The following COL4A2 variants were observed in gnomAD, a reference collection of about 807,000 sequenced individuals.
The protein encoded by COL4A2 is collagen type IV alpha 2 chain.
Under a neutral mutation model 200.2 loss-of-function variants are expected in COL4A2, and 99 were observed. The observed-to-expected ratio is 0.49, with a 90% CI of 0.42 to 0.58. COL4A2 has a LOEUF of 0.58. COL4A2 is among the 20% of genes least tolerant of loss of function. The probability of loss-of-function intolerance (pLI) is 0.00; values close to 1 mark genes in which losing one functional copy is unlikely to be tolerated. For missense variants in COL4A2, 1,950 were observed against 2,314.1 expected, an observed-to-expected ratio of 0.84 and a Z score of 3.23; for synonymous variants, 897 against 900.6, an observed-to-expected ratio of 1.00 and a Z score of 0.07.
intron 4 of COL4A2, among the ~76,000 whole-genome samples, chr13:110,423,308 A>G (rs1174607717): frequency 1.3e-5 from 2 of 152,112 alleles, no homozygotes; most frequent in African/African-American, 4.8e-5. Flanking sequence ...ATTTATTTTT[A>G]ATTTTTTTAA....
At chr13:110,492,865 C>G (rs1047557540) in intron 38 of COL4A2, among the ~76,000 whole-genome samples, 4 of 152,148 alleles carry the variant, frequency 2.6e-5, no homozygotes, top group African/African-American at 4.8e-5. Context: ...GTTTACATGT[C>G]GTGTAAGTTG....
chr13:110,340,885 C>G (rs1390851443), intron 3 of COL4A2: 6 of 152,274 alleles, frequency 3.9e-5, no homozygotes, highest in African/African-American at 1.2e-4. Flanking sequence ...GGACTCTGTT[C>G]CTTTCTGACT....
chr13:110,375,191 A>G (rs935315452), intron 4 of COL4A2, among the ~76,000 whole-genome samples: 1 of 152,198 alleles, frequency 6.6e-6, no homozygotes, highest in African/African-American at 2.4e-5. Context: ...ATCACATTCC[A>G]GCCCTTACAC....
intron 34 of COL4A2, among the ~76,000 whole-genome samples, chr13:110,486,998 A>G (rs1374989910): frequency 1.3e-5 from 2 of 152,364 alleles, no homozygotes; most frequent in African/African-American, 2.4e-5. Flanking sequence ...GAGGCCTGAC[A>G]GTGTGAACCC....
At chr13:110,316,258 C>T (rs1036462661) in intron 3 of COL4A2, among the ~76,000 whole-genome samples, 2 of 152,160 alleles carry the variant, frequency 1.3e-5, no homozygotes, top group Non-Finnish European at 2.9e-5. Flanking sequence ...GGATCCCTGA[C>T]TGTGGAGTAA....
intron 3 of COL4A2, among the ~76,000 whole-genome samples, chr13:110,330,847 G>A (rs1241851681): frequency 6.6e-6 from 1 of 152,086 alleles, no homozygotes; most frequent in African/African-American, 2.4e-5. Flanking sequence ...AGAGTTGCCT[G>A]TTTTGACCTA....
chr13:110,352,727 G>A (rs1309710342), intron 3 of COL4A2, among the ~76,000 whole-genome samples: 1 of 152,198 alleles, frequency 6.6e-6, no homozygotes, highest in African/African-American at 2.4e-5. Flanking sequence ...GGGAGGTTCT[G>A]TGTGCCTATG....
intron 28 of COL4A2, among the ~76,000 whole-genome samples, chr13:110,472,229 C>T (rs1254304542): frequency 1.3e-5 from 2 of 151,982 alleles, no homozygotes; most frequent in Admixed American, 1.3e-4. Context: ...CATTCTCCCG[C>T]CTCAGCCTCC....
At chr13:110,507,546 C>T (rs1297315098) in intron 46 of COL4A2, 5 of 249,346 alleles carry the variant, frequency 2.0e-5, no homozygotes, top group African/African-American at 1.1e-4. Context: ...GGCCAGGACT[C>T]CTTCTGGGGT....
In COL4A2 at chr13:110,347,315, G is replaced by A. The variant is rs140567437; in HGVS notation, c.100-10157G>A. 4.6e-3 allele frequency among the ~76,000 whole-genome samples: 707 copies of A among 152,294 alleles called. 2 individuals are homozygous for A. Among genetic ancestry groups the A allele is most frequent in the African/African-American group, 0.014 (580 of 41,562 alleles). ...GCTCTAGGCCGGGGAGCCAGGCATT[G>A]GAGACCCTTTAGCTGGGAAGGCTCG... On this transcript the variant is annotated intron_variant, in intron 3 of 47. Transcript: ENST00000360467.
chr13:110,472,259 G>GTGCC (rs1882501937), intron 28 of COL4A2, among the ~76,000 whole-genome samples: 1 of 151,804 alleles, frequency 6.6e-6, no homozygotes, highest in Admixed American at 6.6e-5. Context: ...GGGACTACAG[G>GTGCC]CATCCGCCAC....
At chr13:110,389,563 C>G (rs1474978092) in intron 4 of COL4A2, among the ~76,000 whole-genome samples, 2 of 152,212 alleles carry the variant, frequency 1.3e-5, no homozygotes, top group Non-Finnish European at 2.9e-5. Flanking sequence ...CTTCTCAGAC[C>G]CCTCTGTCTT....
intron 4 of COL4A2, among the ~76,000 whole-genome samples, chr13:110,388,636 CA>C (rs962584381): frequency 2.0e-5 from 3 of 151,822 alleles, no homozygotes; most frequent in Non-Finnish European, 4.4e-5. Flanking sequence ...GATGAGTCAG[CA>C]AAAAAAATTA....
At chr13:110,436,575 GTCCATCATCTCAA>G (rs1880896216) in intron 13 of COL4A2, among the ~76,000 whole-genome samples, 1 of 150,908 alleles carries the variant, frequency 6.6e-6, no homozygotes, top group Middle Eastern at 3.2e-3. Flanking sequence ...CCCGTCGTCA[GTCCATCATCTCAA>G]TTCTGATGAA....
intron 3 of COL4A2, among the ~76,000 whole-genome samples, chr13:110,331,072 A>T (rs1023860280): frequency 4.0e-5 from 6 of 148,966 alleles, no homozygotes; most frequent in Non-Finnish European, 8.9e-5. Flanking sequence ...CTTTTTTTTT[A>T]AAGGAAATTT....
chr13:110,337,123 A>G (rs1417088925), intron 3 of COL4A2, among the ~76,000 whole-genome samples: 1 of 152,236 alleles, frequency 6.6e-6, no homozygotes, highest in East Asian at 1.9e-4. Context: ...TAGGACGTAT[A>G]ATATATGCTC....
At chr13:110,480,156 C>G in intron 30 of COL4A2, 64 bp from the exon 31 acceptor site, 2 of 1,476,676 alleles carry the variant, frequency 1.4e-6, no homozygotes, top group Admixed American at 4.5e-5. Context: ...GCCGTAAAAG[C>G]AGAAGAGAAA....
At chr13:110,361,990 C>T (rs1877534876) in intron 4 of COL4A2, among the ~76,000 whole-genome samples, 1 of 152,328 alleles carries the variant, frequency 6.6e-6, no homozygotes, top group East Asian at 1.9e-4. Context: ...AAACTCAAGT[C>T]TGGGGACTTA....
intron 28 of COL4A2, among the ~76,000 whole-genome samples, chr13:110,469,584 C>T (rs1882386073): frequency 6.6e-6 from 1 of 152,326 alleles, no homozygotes; most frequent in East Asian, 1.9e-4. Flanking sequence ...CTCCGCAACA[C>T]CTGTCTCCCA....
Sources: allele counts gnomAD v4.1 joint callset (sites outside exome capture counted in the v4.1 genomes callset), GRCh38; gene constraint gnomAD v4.1.1; transcripts MANE v1.5; gene names NCBI Gene and HGNC (gene_info 2026-07-23, HGNC 2026-07-21).